The following ARHGEF4 variants were observed in gnomAD, a reference collection of about 807,000 sequenced individuals.
ARHGEF4 encodes the protein Rho guanine nucleotide exchange factor 4, also known as APC-stimulated guanine nucleotide exchange factor 1.
ARHGEF4 carries 119 observed loss-of-function variants against 162.0 expected under a neutral mutation model. That is an observed-to-expected ratio of 0.73 (90% CI 0.63 to 0.86). ARHGEF4 has a LOEUF of 0.86. Ranked by LOEUF, ARHGEF4 falls within the 40% of genes least tolerant of loss-of-function variation. The probability of loss-of-function intolerance (pLI) is 0.00; values close to 1 mark genes in which losing one functional copy is unlikely to be tolerated. For synonymous variants in ARHGEF4, 1,014 were observed against 979.9 expected, an observed-to-expected ratio of 1.03 and a Z score of -0.65; for missense variants, 2,488 against 2,456.0, an observed-to-expected ratio of 1.01 and a Z score of -0.28.
chr2:131,031,273 T>G (rs1265354662), intron 5 of ARHGEF4, among the ~76,000 whole-genome samples: 1 of 152,224 alleles, frequency 6.6e-6, no homozygotes, highest in Admixed American at 6.5e-5. Flanking sequence ...TGCAATTTCC[T>G]AAGCAGAACG....
intron 4 of ARHGEF4, among the ~76,000 whole-genome samples, chr2:131,020,654 C>G (rs1312118427): frequency 2.6e-5 from 4 of 152,034 alleles, no homozygotes; most frequent in Non-Finnish European, 5.9e-5. Context: ...ATAAACTTAC[C>G]TGTGCATGTG....
chr2:130,857,138 A>G (rs1681851623), intron 1 of ARHGEF4, among the ~76,000 whole-genome samples: 1 of 152,224 alleles, frequency 6.6e-6, no homozygotes, highest in Non-Finnish European at 1.5e-5. Context: ...AGGCTGAGGC[A>G]GAAGAATGGC....
At chr2:130,947,564 C>T (rs909863487) in intron 4 of ARHGEF4, among the ~76,000 whole-genome samples, 2 of 152,140 alleles carry the variant, frequency 1.3e-5, no homozygotes, top group African/African-American at 2.4e-5. Flanking sequence ...GGGTGTTTTC[C>T]GTTCTGAGGA....
At chr2:130,927,878 T>C (rs935606189) in intron 2 of ARHGEF4, among the ~76,000 whole-genome samples, 1 of 152,256 alleles carries the variant, frequency 6.6e-6, no homozygotes, top group Non-Finnish European at 1.5e-5. Flanking sequence ...AGTGTGTCTA[T>C]GCCATCTTGT....
At chr2:130,837,260 G>A (rs1338159825) in intron 1 of ARHGEF4, among the ~76,000 whole-genome samples, 1 of 152,122 alleles carries the variant, frequency 6.6e-6, no homozygotes, top group Non-Finnish European at 1.5e-5. Flanking sequence ...CCCCTGAGAG[G>A]GCAAGGGCGA....
intron 1 of ARHGEF4, among the ~76,000 whole-genome samples, chr2:130,852,291 G>T (rs1232372768): frequency 6.6e-6 from 1 of 152,176 alleles, no homozygotes; most frequent in Admixed American, 6.5e-5. Context: ...GGTGTGGGGA[G>T]CCCAGGAAAG....
At chr2:131,039,929 GAGGCC>G in intron 6 of ARHGEF4, 82 bp from the exon 7 acceptor site, 3 of 1,494,934 alleles carry the variant, frequency 2.0e-6, no homozygotes, top group Non-Finnish European at 2.7e-6. Context: ...CGGGGCCTCC[GAGGCC>G]CGGTTCCCGC....
chr2:130,837,640 CG>C (rs1270206374), intron 1 of ARHGEF4: 1 of 449,472 alleles, frequency 2.2e-6, no homozygotes, highest in Non-Finnish European at 4.5e-6. Context: ...CAAGATGGGC[CG>C]GGGGCTCCGG....
At chr2:130,941,632 T>C (rs934570647) in intron 3 of ARHGEF4, among the ~76,000 whole-genome samples, 5 of 152,176 alleles carry the variant, frequency 3.3e-5, no homozygotes. Flanking sequence ...GTAGTATATA[T>C]AGTATTGTTG....
intron 4 of ARHGEF4, among the ~76,000 whole-genome samples, chr2:131,022,923 AT>A (rs141376281): frequency 0.051 from 7,793 of 151,846 alleles, 670 homozygotes; most frequent in African/African-American, 0.18. Context: ...CAAACCTCTT[AT>A]CTGACAAATA....
At position 130,917,247 on chromosome 2, in the gene ARHGEF4, G is replaced by A. The variant is rs1366225999; in HGVS notation, c.3301G>A (p.Ala1101Thr). ...SPKPLSPRPSAQRMGLHYPGR... is the reference protein window; with the variant it reads ...SPKPLSPRPSTQRMGLHYPGR... ...CAAGCCCCTGAGTCCCAGGCCTAGT[G>A]CTCAGCGGATGGGTCTCCACTACCC... The change falls in exon 2 of 14, where the codon GCT (alanine) becomes ACT (threonine). Residue 1101 changes from alanine to threonine, a missense_variant. Transcript: ENST00000409359. The A allele has an allele frequency of 7.1e-6, 11 of 1,550,524 alleles. No homozygotes were observed. The highest frequency in any genetic ancestry group is 7.8e-6 in the Non-Finnish European group (9 of 1,146,992).
chr2:131,020,266 G>A (rs987031111), intron 4 of ARHGEF4, among the ~76,000 whole-genome samples: 10 of 151,662 alleles, frequency 6.6e-5, no homozygotes, highest in Non-Finnish European at 1.0e-4. Context: ...GTATACATGT[G>A]CCATGTTGGT....
chr2:130,896,690 T>C (rs148770716), intron 1 of ARHGEF4, among the ~76,000 whole-genome samples: 149 of 152,314 alleles, frequency 9.8e-4, no homozygotes, highest in Middle Eastern at 3.4e-3. Flanking sequence ...TCTTGCTATA[T>C]TAGTAATATT....
At chr2:131,030,037 G>A (rs1480991580) in intron 5 of ARHGEF4, among the ~76,000 whole-genome samples, 1 of 152,196 alleles carries the variant, frequency 6.6e-6, no homozygotes, top group Non-Finnish European at 1.5e-5. Context: ...GTAACTGACT[G>A]CACACACCCA....
chr2:131,020,006 T>C (rs1252216569), intron 4 of ARHGEF4, among the ~76,000 whole-genome samples: 1 of 152,224 alleles, frequency 6.6e-6, no homozygotes, highest in Non-Finnish European at 1.5e-5. Flanking sequence ...TCATTGCAAA[T>C]ATACAGAAAT....
intron 1 of ARHGEF4, among the ~76,000 whole-genome samples, chr2:130,852,863 C>T (rs1356359007): frequency 6.6e-6 from 1 of 152,192 alleles, no homozygotes; most frequent in African/African-American, 2.4e-5. Flanking sequence ...AGCCCAGGAG[C>T]AGACAGAAAA....
Position 130,903,004 on chromosome 2 carries a change from T to G in ARHGEF4, c.40-10982T>G, listed in dbSNP as rs1356934412. Among the ~76,000 whole-genome samples the G allele has an allele frequency of 6.6e-5, 10 of 152,302 alleles. No homozygotes were observed. The East Asian group carries it at 1.9e-3, about 29-fold the overall frequency. On this transcript the variant is annotated intron_variant, in intron 1 of 13. Transcript: ENST00000409359. ...TTGTTCCATTTTCAAGTTCTCTGAT[T>G]CCGTCCTCTGCCTTTTCTATATTGC... is the stretch of plus-strand genomic sequence containing the variant.
At chr2:130,877,984 T>C (rs1198721102) in intron 1 of ARHGEF4, among the ~76,000 whole-genome samples, 2 of 152,158 alleles carry the variant, frequency 1.3e-5, no homozygotes, top group Non-Finnish European at 2.9e-5. Context: ...TTGTACGGTA[T>C]CCAGCCCTGT....
At chr2:130,844,195 C>T (rs1680788747) in intron 1 of ARHGEF4, among the ~76,000 whole-genome samples, 1 of 152,250 alleles carries the variant, frequency 6.6e-6, no homozygotes, top group African/African-American at 2.4e-5. Flanking sequence ...TTCTGGATCC[C>T]ATATGTGATT....
Sources: gnomAD v4.1 joint callset for allele counts (sites outside exome capture counted in the v4.1 genomes callset) on GRCh38, gnomAD v4.1.1 for gene constraint, MANE v1.5 for transcripts, NCBI Gene and HGNC (gene_info 2026-07-23, HGNC 2026-07-21) for gene names.